SFMBT2: variants seen among roughly 807,000 people sequenced by gnomAD.
The protein encoded by SFMBT2 is scm-like with four MBT domains protein 2.
SFMBT2 carries 38 observed loss-of-function variants against 110.1 expected under a neutral mutation model. The ratio of observed to expected loss-of-function variants is 0.35; its 90% CI spans 0.27 to 0.45. SFMBT2 has a LOEUF of 0.45. Ranked by LOEUF, SFMBT2 falls within the 20% of genes least tolerant of loss-of-function variation. The pLI is 1.00. For missense variants in SFMBT2, 1,011 were observed against 1,094.9 expected, an observed-to-expected ratio of 0.92 and a Z score of 1.08; for synonymous variants, 425 against 425.4, an observed-to-expected ratio of 1.00 and a Z score of 0.01.
At chr10:7,410,807 G>A (rs1846356897) in intron 1 of SFMBT2, among the ~76,000 whole-genome samples, 54 bp downstream of exon 1, 1 of 151,324 alleles carries the variant, frequency 6.6e-6, no homozygotes, top group African/African-American at 2.4e-5. Flanking sequence ...GGGCCGAAGG[G>A]CTGCTCTCCG....
chr10:7,346,443 C>T (rs1387050976), intron 4 of SFMBT2, among the ~76,000 whole-genome samples: 1 of 152,130 alleles, frequency 6.6e-6, no homozygotes, highest in Non-Finnish European at 1.5e-5. Flanking sequence ...CCGTCTCTTA[C>T]AAATGTTGTG....
At chr10:7,222,827 G>A (rs1357558411) in intron 10 of SFMBT2, among the ~76,000 whole-genome samples, 1 of 151,986 alleles carries the variant, frequency 6.6e-6, no homozygotes, top group Non-Finnish European at 1.5e-5. Context: ...GCCCCACCAT[G>A]CCCAGCTAAT....
chr10:7,271,051 G>A (rs951665441), intron 7 of SFMBT2, among the ~76,000 whole-genome samples: 4 of 152,044 alleles, frequency 2.6e-5, no homozygotes, highest in African/African-American at 9.7e-5. Context: ...TTGGGAGGCC[G>A]AGGTGGGTGG....
chr10:7,257,098 A>AAGGTGAGGGG (rs1841034180), intron 7 of SFMBT2, among the ~76,000 whole-genome samples: 1 of 74,776 alleles, frequency 1.3e-5, no homozygotes. Flanking sequence ...TTGGAAAGGG[A>AAGGTGAGGGG]AGGGGAGGGG....
chr10:7,346,860 C>T (rs183299878), intron 4 of SFMBT2, among the ~76,000 whole-genome samples: 7 of 151,450 alleles, frequency 4.6e-5, no homozygotes, highest in Non-Finnish European at 1.0e-4. Context: ...GTGGCAGGCG[C>T]CTGTAATCCC....
intron 1 of SFMBT2, among the ~76,000 whole-genome samples, chr10:7,405,446 GAGC>G (rs1846185402): frequency 6.6e-6 from 1 of 152,156 alleles, no homozygotes; most frequent in Non-Finnish European, 1.5e-5. Flanking sequence ...GCCTTTTCCA[GAGC>G]ACAGATGAAA....
At chr10:7,228,724 TTTCTTTCTTTC>T (rs1564395253) in intron 9 of SFMBT2, among the ~76,000 whole-genome samples, 11 of 107,228 alleles carry the variant, frequency 1.0e-4, no homozygotes, top group African/African-American at 4.5e-4. Context: ...TCTTTCTTTC[TTTCTTTCTTTC>T]CTTTCTCTCT....
intron 4 of SFMBT2, among the ~76,000 whole-genome samples, chr10:7,351,977 TC>T (rs754066231): frequency 3.9e-5 from 6 of 152,080 alleles, no homozygotes; most frequent in Admixed American, 2.0e-4. Flanking sequence ...TGTCAGTTTG[TC>T]ACGGTGAAGA....
In SFMBT2 at chr10:7,202,088, G is replaced by C. The variant is rs1022058428; in HGVS notation, c.1487+392C>G. The stretch of plus-strand genomic sequence containing the variant: ...TGCCTCCCAAGCCTGGGCTACTCTA[G>C]GAGAGGTGAGTAAGCAGCAGCATTC... On this transcript the variant is annotated intron_variant, in intron 13 of 20. Coordinates refer to ENST00000397167, the MANE Select transcript of SFMBT2 (RefSeq NM_001387889.1). 2.6e-5 allele frequency among the ~76,000 whole-genome samples: 4 copies of C among 152,350 alleles called. No homozygotes were observed. The East Asian group carries it at 7.7e-4, about 29-fold the overall frequency.
chr10:7,179,551 T>C (rs1472916586), intron 16 of SFMBT2, among the ~76,000 whole-genome samples: 1 of 152,186 alleles, frequency 6.6e-6, no homozygotes, highest in Non-Finnish European at 1.5e-5. Context: ...ACGAGTTTGG[T>C]GGCCCCACAA....
rs1053589596 is a variant in SFMBT2, at chr10:7,301,244, G to C, written c.437-15290C>G. ...GCAAATCAGCATGAGGCAGTTATTA[G>C]CGTCTTTATGTCATGTGCAAATCAG... On this transcript the variant is annotated intron_variant, in intron 4 of 20. Coordinates refer to ENST00000397167, the MANE Select transcript of SFMBT2 (RefSeq NM_001387889.1). This position sits in a 1 kb window ranked among gnomAD's most constrained non-coding sequence, Gnocchi z 4.2. 6.6e-6 allele frequency among the ~76,000 whole-genome samples: 1 copy of C among 152,192 alleles called. No homozygotes were observed. Among genetic ancestry groups the C allele is most frequent in the East Asian group, 1.9e-4 (1 of 5,194 alleles).
intron 9 of SFMBT2, among the ~76,000 whole-genome samples, chr10:7,235,895 C>G (rs1840236439): frequency 1.3e-5 from 2 of 151,986 alleles, no homozygotes. Flanking sequence ...AAATGGTTAC[C>G]CTGACTAAAC....
At chr10:7,215,684 CA>C (rs1226747098) in intron 11 of SFMBT2, 1 of 985,326 alleles carries the variant, frequency 1.0e-6, no homozygotes, top group African/African-American at 1.7e-5. Context: ...GAGTCCGCTG[CA>C]GGTGCCAGAG....
chr10:7,400,234 G>A (rs999958177), intron 1 of SFMBT2, among the ~76,000 whole-genome samples: 13 of 152,326 alleles, frequency 8.5e-5, no homozygotes, highest in East Asian at 5.8e-4. Context: ...GGTAGAGGGA[G>A]GAAGAGGGAA....
intron 10 of SFMBT2, among the ~76,000 whole-genome samples, chr10:7,226,258 T>C (rs1368033687): frequency 6.6e-6 from 1 of 152,186 alleles, no homozygotes; most frequent in Non-Finnish European, 1.5e-5. Context: ...CTTCTCAAGG[T>C]CGTTCAATCA....
intron 7 of SFMBT2, among the ~76,000 whole-genome samples, chr10:7,269,164 T>C (rs919865846): frequency 6.6e-6 from 1 of 152,234 alleles, no homozygotes; most frequent in Non-Finnish European, 1.5e-5. Context: ...ATTTTGGAAA[T>C]GATCTGTATT....
At position 7,171,827 on chromosome 10, in the gene SFMBT2, C is replaced by A; in HGVS notation, c.2415+68G>T. 1 of 1,351,344 alleles carries A rather than the reference C, an allele frequency of 7.4e-7. No homozygotes were observed. The highest frequency in any genetic ancestry group is 2.9e-5 in the East Asian group (1 of 34,130). The allele number at this position is 1,351,344 out of a possible 1,614,324, so 83.7% of individuals were successfully genotyped here. On this transcript the variant is annotated intron_variant, in intron 19 of 20. Coordinates refer to ENST00000397167, the MANE Select transcript of SFMBT2 (RefSeq NM_001387889.1). The surrounding 1 kb of genome is among the most constrained non-coding windows in gnomAD (Gnocchi z 4.9). ...AAACAGGTTTCCCCACATCGTGGCC[C>A]TGAAGTGTAACAGGTGTGCTTCTTC...
chr10:7,401,761 G>A (rs1258930157), intron 1 of SFMBT2, among the ~76,000 whole-genome samples: 2 of 152,254 alleles, frequency 1.3e-5, no homozygotes, highest in African/African-American at 4.8e-5. Flanking sequence ...AGGTACAAAT[G>A]CAAACACTAC....
At chr10:7,304,356 T>A (rs961420692) in intron 4 of SFMBT2, among the ~76,000 whole-genome samples, 2 of 152,178 alleles carry the variant, frequency 1.3e-5, no homozygotes, top group Admixed American at 6.5e-5. Flanking sequence ...TCCGCCATGA[T>A]TGTGAGGCCT....
Sources: gnomAD v4.1 joint callset for allele counts (sites outside exome capture counted in the v4.1 genomes callset) on GRCh38, gnomAD v4.1.1 for gene constraint, Gnocchi (gnomAD v3.1) non-coding constraint, MANE v1.5 for transcripts, NCBI Gene and HGNC (gene_info 2026-07-23, HGNC 2026-07-21) for gene names.